Variants in CORIN observed in about 807,000 individuals in gnomAD.
CORIN encodes corin, serine peptidase.
In CORIN, 117 loss-of-function variants were observed where a neutral mutation model predicts 125.3. That is an observed-to-expected ratio of 0.93 (90% CI 0.80 to 1.09). The LOEUF (loss-of-function observed/expected upper bound fraction) is 1.09, where lower values mean the gene tolerates loss of function less well. CORIN is among the 50% of genes least tolerant of loss of function. CORIN has a pLI of 0.00. For missense variants in CORIN, 1,253 were observed against 1,306.7 expected, an observed-to-expected ratio of 0.96 and a Z score of 0.63; for synonymous variants, 450 against 466.4, an observed-to-expected ratio of 0.96 and a Z score of 0.45.
At chr4:47,673,795 C>T (rs1265223805) in intron 10 of CORIN, among the ~76,000 whole-genome samples, 1 of 152,170 alleles carries the variant, frequency 6.6e-6, no homozygotes, top group African/African-American at 2.4e-5. Context: ...TGCCTATAAT[C>T]CCAGCACTTT....
chr4:47,777,382 C>G (rs1038062971), intron 3 of CORIN, among the ~76,000 whole-genome samples: 1 of 152,112 alleles, frequency 6.6e-6, no homozygotes, highest in Non-Finnish European at 1.5e-5. Context: ...TCTGTAATCC[C>G]AGCACTTTGG....
chr4:47,729,206 G>A (rs1032798777), intron 5 of CORIN, among the ~76,000 whole-genome samples: 3 of 152,158 alleles, frequency 2.0e-5, no homozygotes, highest in Non-Finnish European at 4.4e-5. Flanking sequence ...GAAGTTGTTA[G>A]GGACTTAAAA....
At chr4:47,719,729 T>C (rs1221110075) in intron 5 of CORIN, among the ~76,000 whole-genome samples, 1 of 152,192 alleles carries the variant, frequency 6.6e-6, no homozygotes, top group Non-Finnish European at 1.5e-5. Context: ...TCTTCTGAAA[T>C]GTGCGTGGAG....
intron 11 of CORIN, among the ~76,000 whole-genome samples, chr4:47,662,152 C>T (rs1318156254): frequency 3.3e-5 from 5 of 152,224 alleles, no homozygotes; most frequent in Non-Finnish European, 2.9e-5. Context: ...CTCATTCTGT[C>T]TTCTGTCTTT....
rs189038466 is a variant in CORIN, at chr4:47,761,003, C to T, written c.617+2376G>A. On this transcript the variant is annotated intron_variant, in intron 4 of 21. Transcript: ENST00000273857. ...CAGCCTTCACAAAATTGAAGAGTTA[C>T]AATCTTGCTCTAGATTAGGCTTTGG... Among the ~76,000 whole-genome samples, 14 of 152,344 alleles carry T rather than the reference C, an allele frequency of 9.2e-5. No homozygotes were observed. In the East Asian group the frequency reaches 2.5e-3, roughly 27 times the overall value.
chr4:47,756,796 G>A (rs1272710124), intron 4 of CORIN, among the ~76,000 whole-genome samples: 1 of 152,150 alleles, frequency 6.6e-6, no homozygotes, highest in East Asian at 1.9e-4. Context: ...TCTCTGCAAT[G>A]TACTGGAACA....
chr4:47,815,458 G>A (rs1263817299), intron 1 of CORIN, among the ~76,000 whole-genome samples: 1 of 152,094 alleles, frequency 6.6e-6, no homozygotes, highest in African/African-American at 2.4e-5. Context: ...TCAGAGCACT[G>A]TAGGAGGGTC....
At chr4:47,702,105 CA>C (rs1322850945) in intron 5 of CORIN, among the ~76,000 whole-genome samples, 18 of 152,074 alleles carry the variant, frequency 1.2e-4, no homozygotes, top group African/African-American at 3.9e-4. Flanking sequence ...AGGAAATAAA[CA>C]CTTAGTTTCT....
At chr4:47,831,520 C>G (rs1009806196) in intron 1 of CORIN, 1 of 152,234 alleles carries the variant, frequency 6.6e-6, no homozygotes, top group African/African-American at 2.4e-5. Context: ...TGAGTCATCC[C>G]ATGTGTTCCA....
At chr4:47,815,838 G>T (rs1017930264) in intron 1 of CORIN, among the ~76,000 whole-genome samples, 1 of 151,958 alleles carries the variant, frequency 6.6e-6, no homozygotes, top group Non-Finnish European at 1.5e-5. Flanking sequence ...TTGATTATTC[G>T]TTACTACATC....
intron 3 of CORIN, among the ~76,000 whole-genome samples, chr4:47,771,041 C>T (rs957724433): frequency 3.3e-5 from 5 of 152,016 alleles, no homozygotes; most frequent in Non-Finnish European, 7.4e-5. Context: ...ATACTCACCC[C>T]CCAAAATTAT....
At chr4:47,802,801 T>C (rs1439259161) in intron 2 of CORIN, among the ~76,000 whole-genome samples, 1 of 152,056 alleles carries the variant, frequency 6.6e-6, no homozygotes, top group Non-Finnish European at 1.5e-5. Flanking sequence ...TAGCAGGCCT[T>C]GGGTAAGACT....
At position 47,676,064 on chromosome 4, in the gene CORIN, G is replaced by A. The variant is rs145810359; in HGVS notation, c.1250-1564C>T. Among the ~76,000 whole-genome samples, 8 of 152,224 alleles carry A rather than the reference G, an allele frequency of 5.3e-5. No homozygotes were observed. In the East Asian group the frequency reaches 1.5e-3, roughly 29 times the overall value. ...TCAACCACTGAGAAAGGGGCTGAGA[G>A]AGGCTAGACAGATAGGCAGGGACAG... On this transcript the variant is annotated intron_variant, in intron 9 of 21. Coordinates refer to ENST00000273857, the MANE Select transcript of CORIN (RefSeq NM_006587.4).
chr4:47,772,076 CATAG>C (rs57915863), intron 3 of CORIN, among the ~76,000 whole-genome samples: 3,667 of 149,108 alleles, frequency 0.025, 63 homozygotes, highest in Middle Eastern at 0.061. Flanking sequence ...TTTCACATTA[CATAG>C]ATAGATAGAT....
At chr4:47,617,528 C>T (rs1043708927) in intron 19 of CORIN, among the ~76,000 whole-genome samples, 1 of 152,194 alleles carries the variant, frequency 6.6e-6, no homozygotes, top group African/African-American at 2.4e-5. Flanking sequence ...GAGGGCAGGG[C>T]AGTGGGGAGT....
intron 1 of CORIN, chr4:47,837,613 G>A: frequency 1.8e-6 from 1 of 563,592 alleles, no homozygotes; most frequent in South Asian, 2.1e-5. Flanking sequence ...GGATCGAGCC[G>A]ACTCGAACAC....
intron 4 of CORIN, among the ~76,000 whole-genome samples, chr4:47,761,022 G>A (rs1729422405): frequency 6.6e-6 from 1 of 152,174 alleles, no homozygotes; most frequent in Non-Finnish European, 1.5e-5. Flanking sequence ...TCTAGATTAG[G>A]CTTTGGCTTA....
intron 10 of CORIN, among the ~76,000 whole-genome samples, chr4:47,672,624 G>A (rs1241998789): frequency 6.6e-6 from 1 of 152,032 alleles, no homozygotes; most frequent in African/African-American, 2.4e-5. Flanking sequence ...TTATACGTGT[G>A]TGTGTGTGTG....
chr4:47,656,111 T>C (rs1442614403), intron 12 of CORIN, among the ~76,000 whole-genome samples: 1 of 150,704 alleles, frequency 6.6e-6, no homozygotes, highest in Non-Finnish European at 1.5e-5. Flanking sequence ...CAAACTGAAT[T>C]CAACAACACA....
Sources: gnomAD v4.1 joint callset for allele counts (sites outside exome capture counted in the v4.1 genomes callset) on GRCh38, gnomAD v4.1.1 for gene constraint, MANE v1.5 for transcripts, NCBI Gene and HGNC (gene_info 2026-07-23, HGNC 2026-07-21) for gene names.